The following KCNU1 variants were observed in gnomAD, a reference collection of about 807,000 sequenced individuals.
KCNU1 encodes potassium channel subfamily U member 1.
In KCNU1, 93 loss-of-function variants were observed where a neutral mutation model predicts 126.8. That is an observed-to-expected ratio of 0.73 (90% CI 0.62 to 0.87). KCNU1 has a LOEUF of 0.87. Among genes scored for constraint, KCNU1 ranks in the 40% least tolerant of loss-of-function variants. KCNU1 has a pLI of 0.00. For missense variants in KCNU1, 1,330 were observed against 1,367.1 expected (o/e 0.97, Z 0.43); for synonymous variants, 523 against 494.2 (o/e 1.06, Z -0.77).
In KCNU1 at chr8:36,924,973, C is replaced by T. The variant is rs117430761; in HGVS notation, c.2736+2344C>T. Among the ~76,000 whole-genome samples, 213 of 152,254 alleles carry T rather than the reference C, an allele frequency of 1.4e-3. 1 individual carries two copies. Among genetic ancestry groups the T allele is most frequent in the Middle Eastern group, 6.8e-3 (2 of 294 alleles). On this transcript the variant is annotated intron_variant, in intron 24 of 26. Coordinates refer to ENST00000399881, the MANE Select transcript of KCNU1 (RefSeq NM_001031836.3). ...AGGGCTGGAAGAGTAAGGACAACAACGAATGAACACACAATCACAAGCCAG... is the reference window on the plus strand; with the variant it reads ...AGGGCTGGAAGAGTAAGGACAACAATGAATGAACACACAATCACAAGCCAG...
intron 10 of KCNU1, among the ~76,000 whole-genome samples, chr8:36,824,603 C>T (rs146362148): frequency 2.0e-5 from 3 of 152,276 alleles, no homozygotes; most frequent in Admixed American, 1.3e-4. Context: ...AGCACACCAA[C>T]ACAACCCTTT....
intron 19 of KCNU1, among the ~76,000 whole-genome samples, chr8:36,864,919 T>C (rs1209888682): frequency 6.6e-6 from 1 of 152,064 alleles, no homozygotes; most frequent in Non-Finnish European, 1.5e-5. Flanking sequence ...GGGCAACAAA[T>C]CCCTCCTCCC....
chr8:36,832,076 T>C (rs1345130564), intron 10 of KCNU1, among the ~76,000 whole-genome samples: 2 of 152,246 alleles, frequency 1.3e-5, no homozygotes, highest in Admixed American at 1.3e-4. Flanking sequence ...GTTGCAGATA[T>C]GCAGCGTTAT....
intron 26 of KCNU1, among the ~76,000 whole-genome samples, chr8:36,934,796 C>T (rs1369908793): frequency 1.3e-5 from 2 of 152,058 alleles, no homozygotes; most frequent in African/African-American, 4.8e-5. Context: ...CCTCAATGTT[C>T]CCACATAAGC....
chr8:36,867,079 C>T (rs1805937495), intron 19 of KCNU1, among the ~76,000 whole-genome samples: 1 of 152,032 alleles, frequency 6.6e-6, no homozygotes, highest in Admixed American at 6.6e-5. Flanking sequence ...AGTTGGAAAA[C>T]TTTCACAATA....
chr8:36,934,903 G>A (rs4739456), intron 26 of KCNU1, among the ~76,000 whole-genome samples: 88,079 of 151,944 alleles, frequency 0.58, 25,607 homozygotes, highest in Middle Eastern at 0.62. Context: ...GTTCATTAAC[G>A]TTCACTATTT....
chr8:36,922,435 T>C, intron 23 of KCNU1, 55 bp from the exon 24 acceptor site: 1 of 1,552,078 alleles, frequency 6.4e-7, no homozygotes, highest in Non-Finnish European at 8.7e-7. Flanking sequence ...GGATGGCACT[T>C]CTTATATTCT....
At chr8:36,786,845 A>G (rs557316143) in intron 1 of KCNU1, among the ~76,000 whole-genome samples, 3 of 152,244 alleles carry the variant, frequency 2.0e-5, no homozygotes, top group Non-Finnish European at 4.4e-5. Context: ...AAAAACTAAG[A>G]GCAACACAAA....
chr8:36,869,004 C>T (rs1225980565), intron 19 of KCNU1, among the ~76,000 whole-genome samples: 4 of 152,116 alleles, frequency 2.6e-5, no homozygotes, highest in Non-Finnish European at 5.9e-5. Context: ...GCCCATTCTA[C>T]CTATTACACA....
At position 36,787,240 on chromosome 8, in the gene KCNU1, T is replaced by TCC; in HGVS notation, c.196-66_196-65insCC. ...ACCATCACAAGAGGCTCCATCAACG[T>TCC]AAGTAGAACAGATTTCTTTCTCTCA... On this transcript the variant is annotated intron_variant, in intron 1 of 26. Transcript: ENST00000399881. 2.8e-6 allele frequency: 4 copies of TCC among 1,432,306 alleles called. No individual in the cohort carries two copies. In the Admixed American group the frequency reaches 8.9e-5, roughly 32 times the overall value. 88.7% of individuals were successfully genotyped at this position (1,432,306 alleles called of 1,614,324 possible).
chr8:36,809,955 C>T (rs1256499069), intron 7 of KCNU1, among the ~76,000 whole-genome samples: 3 of 152,230 alleles, frequency 2.0e-5, no homozygotes, highest in Admixed American at 6.5e-5. Flanking sequence ...TTTCTGAATT[C>T]TTTGGGAAAA....
At chr8:36,899,143 C>A (rs962894570) in intron 19 of KCNU1, among the ~76,000 whole-genome samples, 2 of 152,008 alleles carry the variant, frequency 1.3e-5, no homozygotes, top group African/African-American at 4.8e-5. Context: ...AGTTTTTACT[C>A]ATCAGAAATA....
intron 10 of KCNU1, among the ~76,000 whole-genome samples, chr8:36,832,261 A>G (rs550079651): frequency 2.0e-5 from 3 of 152,240 alleles, no homozygotes; most frequent in Non-Finnish European, 2.9e-5. Context: ...TTGGTTCCAT[A>G]TGAACTTTAA....
intron 7 of KCNU1, among the ~76,000 whole-genome samples, chr8:36,812,180 G>A (rs1402371154): frequency 6.6e-6 from 1 of 152,016 alleles, no homozygotes; most frequent in Non-Finnish European, 1.5e-5. Flanking sequence ...GGGAGTTCGA[G>A]ACCAGCCTAG....
Position 36,864,412 on chromosome 8 carries a change from G to T in KCNU1, c.1900G>T (p.Val634Leu). The change falls in exon 19 of 27, where the codon GTA becomes TTA. Residue 634 changes from valine (V) to leucine (L), a missense_variant. Physicochemically the swap from Val to Leu is conservative, Grantham distance 32 (BLOSUM62 1). Transcript: ENST00000399881. ...TTTCTATCCTATTGCAGTGCCATCG[G>T]TAAAGAGAATGAAAAAATGTCTGAA... The part of the protein sequence containing the change: ...RSRQHITVPS[V>L]KRMKKCLKGI... 6.3e-7 allele frequency: 1 copy of T among 1,594,550 alleles called. No homozygotes were observed. The highest frequency in any genetic ancestry group is 1.7e-5 in the Admixed American group (1 of 59,912).
chr8:36,810,237 C>T (rs1269004075), intron 7 of KCNU1, among the ~76,000 whole-genome samples: 1 of 145,980 alleles, frequency 6.9e-6, no homozygotes, highest in Non-Finnish European at 1.5e-5. Flanking sequence ...GGTGACAGAG[C>T]AAGACTCCAT....
At chr8:36,886,526 G>C (rs1005246204) in intron 19 of KCNU1, among the ~76,000 whole-genome samples, 1 of 152,158 alleles carries the variant, frequency 6.6e-6, no homozygotes, top group Non-Finnish European at 1.5e-5. Flanking sequence ...AAAGGAGAAG[G>C]GGTTGAGGTA....
At chr8:36,845,329 C>G (rs1805103079) in intron 16 of KCNU1, among the ~76,000 whole-genome samples, 1 of 152,184 alleles carries the variant, frequency 6.6e-6, no homozygotes, top group Admixed American at 6.5e-5. Flanking sequence ...AGAGGCTTTG[C>G]CGCAGGTCCG....
rs556773360 is a variant in KCNU1 at position 36,792,602 on chromosome 8, G to A, written c.315+5177G>A. On this transcript the variant is annotated intron_variant, in intron 2 of 26. Transcript: ENST00000399881. ...TTCCCCCACTACCATTTCACAATCCGTTTTTCAAGAGAGGCACTATCATTA... is the reference window on the plus strand; with the variant it reads ...TTCCCCCACTACCATTTCACAATCCATTTTTCAAGAGAGGCACTATCATTA... Among the ~76,000 whole-genome samples the A allele has an allele frequency of 9.2e-5, 14 of 152,172 alleles. No homozygotes were observed. In the South Asian group the frequency reaches 1.0e-3, roughly 11 times the overall value.
Sources: gnomAD v4.1 joint callset for allele counts (sites outside exome capture counted in the v4.1 genomes callset) on GRCh38, gnomAD v4.1.1 for gene constraint, MANE v1.5 for transcripts, NCBI Gene and HGNC (gene_info 2026-07-23, HGNC 2026-07-21) for gene names.